HEG1: variants seen among roughly 807,000 people sequenced by gnomAD.
The protein encoded by HEG1 is protein HEG homolog 1.
A neutral mutation model predicts 125.6 loss-of-function variants in HEG1; 56 were observed. The observed-to-expected ratio is 0.45, with a 90% confidence interval of 0.36 to 0.56. HEG1 has a LOEUF of 0.56. Ranked by LOEUF, HEG1 falls within the 20% of genes least tolerant of loss-of-function variation. The pLI is 0.00. For missense variants in HEG1, 1,523 were observed against 1,670.0 expected (o/e 0.91, Z 1.53); for synonymous variants, 644 against 668.5 (o/e 0.96, Z 0.57).
intron 1 of HEG1, among the ~76,000 whole-genome samples, chr3:125,044,484 G>T (rs1332887150): frequency 6.6e-6 from 1 of 152,118 alleles, no homozygotes; most frequent in African/African-American, 2.4e-5. Context: ...TCCACTCCAT[G>T]CCAGCCACTG....
chr3:125,000,132 T>C (rs372701385), intron 11 of HEG1, among the ~76,000 whole-genome samples: 4 of 152,238 alleles, frequency 2.6e-5, no homozygotes, highest in African/African-American at 7.2e-5. Context: ...GCCTGTTTTT[T>C]TCAGCTAATA....
intron 12 of HEG1, among the ~76,000 whole-genome samples, chr3:124,993,507 G>GAC (rs1936865564): frequency 6.6e-6 from 1 of 152,114 alleles, no homozygotes; most frequent in South Asian, 2.1e-4. Context: ...CCCTCCTCCT[G>GAC]TGTATGCCTC....
rs1231720471 is a variant in HEG1 at position 125,009,755 on chromosome 3, A to G, written c.3143T>C (p.Ile1048Thr). Residue 1048 changes from isoleucine to threonine, a missense_variant, in exon 8 of 17, where the codon ATC (isoleucine) becomes ACC (threonine). Transcript: ENST00000311127. ...CTGGTACCCAACCGGGCATTTGCAG[A>G]TAAAGGATCCCTGAGTATTGTTGCA... ...AMCNNTQGSF[I>T]CKCPVGYQLE... 1.9e-6 allele frequency: 3 copies of G among 1,613,788 alleles called. No individual in the cohort carries two copies. Among genetic ancestry groups the G allele is most frequent in the Admixed American group, 1.7e-5 (1 of 60,036 alleles).
rs148923186 is a variant in HEG1, at chr3:124,968,506, G to A, written c.*2146C>T. 829 of 152,310 alleles carry A rather than the reference G, an allele frequency of 5.4e-3. 8 individuals are homozygous for A. Among genetic ancestry groups the A allele is most frequent in the Non-Finnish European group, 6.1e-3 (412 of 68,044 alleles). 9.4% of individuals were successfully genotyped at this position (152,310 alleles called of 1,614,324 possible). On this transcript the variant is annotated 3_prime_UTR_variant, in exon 17 of 17. Coordinates refer to ENST00000311127, the MANE Select transcript of HEG1 (RefSeq NM_020733.2). Reference sequence around the variant, plus strand: ...GCATTGTTGGAACTCACAGGACACCGTTTTCTCGATGTTGGGATTCTTCCC... The same window carrying A: ...GCATTGTTGGAACTCACAGGACACCATTTTCTCGATGTTGGGATTCTTCCC...
Position 124,967,398 on chromosome 3 carries a change from T to C in HEG1, c.*3254A>G, listed in dbSNP as rs973095906. ...CAGCCACTATTTTCTTAATGACAAG[T>C]GTCTAAGAATTACATATAAAAAACA... On this transcript the variant is annotated 3_prime_UTR_variant, in exon 17 of 17. Transcript: ENST00000311127. 1 of 151,442 alleles carries C rather than the reference T, an allele frequency of 6.6e-6. No individual in the cohort carries two copies. Among genetic ancestry groups the C allele is most frequent in the Non-Finnish European group, 1.5e-5 (1 of 67,978 alleles). The allele number at this position is 151,442 out of a possible 1,614,324, so 9.4% of individuals were successfully genotyped here. A position where few individuals can be genotyped will look rare whatever the true frequency, so the allele number is the denominator to read the frequency against.
chr3:125,055,210 C>T (rs529308794), intron 1 of HEG1, among the ~76,000 whole-genome samples: 1 of 152,096 alleles, frequency 6.6e-6, no homozygotes, highest in East Asian at 1.9e-4. Context: ...TTCTGTATAG[C>T]GGAAAAAATG....
At chr3:125,008,908 G>T (rs1937111902) in intron 8 of HEG1, among the ~76,000 whole-genome samples, 1 of 152,252 alleles carries the variant, frequency 6.6e-6, no homozygotes, top group Admixed American at 6.5e-5. Flanking sequence ...GTCACACCCT[G>T]CAAGCAAGAA....
intron 1 of HEG1, among the ~76,000 whole-genome samples, chr3:125,044,305 C>A (rs1937629724): frequency 1.3e-5 from 2 of 152,130 alleles, no homozygotes; most frequent in African/African-American, 4.8e-5. Flanking sequence ...AGTTGTATGC[C>A]ATAGCCATTT....
rs965369793 is a variant in HEG1, at chr3:125,006,836, A to T, written c.3194-1468T>A. ...GAACCCTCTGCACGCAGGCTTCCAG[A>T]ACAATGGTCCTGCTTCTTCACTTTC... On this transcript the variant is annotated intron_variant, in intron 8 of 16. Coordinates refer to ENST00000311127, the MANE Select transcript of HEG1 (RefSeq NM_020733.2). Among the ~76,000 whole-genome samples, 4 of 152,188 alleles carry T rather than the reference A, an allele frequency of 2.6e-5. No individual in the cohort carries two copies. The South Asian group carries it at 8.3e-4, about 32-fold the overall frequency.
At position 125,020,957 on chromosome 3, in the gene HEG1, A is replaced by T; in HGVS notation, c.1087T>A (p.Ser363Thr). 6.2e-7 allele frequency: 1 copy of T among 1,613,942 alleles called. No individual in the cohort carries two copies. Among genetic ancestry groups the T allele is most frequent in the South Asian group, 1.1e-5 (1 of 91,068 alleles). Reference sequence around the variant, plus strand: ...GAGGATGAAGTCGTGGCAATTCTGGAGTCCTTGGGGAAGCCTTCTGTCTTG... The same window carrying T: ...GAGGATGAAGTCGTGGCAATTCTGGTGTCCTTGGGGAAGCCTTCTGTCTTG... ...VSKTEGFPKD[S>T]RIATTSSSVL... Residue 363 changes from serine (S) to threonine (T), a missense_variant, in exon 4 of 17, where the codon TCC becomes ACC. Ser to Thr is a moderately conservative substitution (Grantham distance 58). Coordinates refer to ENST00000311127, the MANE Select transcript of HEG1 (RefSeq NM_020733.2).
chr3:125,009,051 G>A (rs1019437632), intron 8 of HEG1, among the ~76,000 whole-genome samples: 1 of 152,216 alleles, frequency 6.6e-6, no homozygotes, highest in Non-Finnish European at 1.5e-5. Context: ...TGGTTTGTTT[G>A]CTTGCTTTTT....
At chr3:124,994,914 G>A (rs1936893437) in intron 12 of HEG1, among the ~76,000 whole-genome samples, 1 of 152,226 alleles carries the variant, frequency 6.6e-6, no homozygotes, top group African/African-American at 2.4e-5. Context: ...TCATTCAACA[G>A]ACATTTGCTG....
In HEG1 at chr3:124,992,568, C is replaced by T. The variant is rs1936851930; in HGVS notation, c.3653-1582G>A. Reference sequence around the variant, plus strand: ...ACGTGCTAATGGTGGGTTATGGGGGCCAGTAGCATGCATGGCTGGGGGTGA... The same window carrying T: ...ACGTGCTAATGGTGGGTTATGGGGGTCAGTAGCATGCATGGCTGGGGGTGA... On this transcript the variant is annotated intron_variant, in intron 12 of 16. Transcript: ENST00000311127. 5.3e-5 allele frequency among the ~76,000 whole-genome samples: 8 copies of T among 152,188 alleles called. No individual in the cohort carries two copies. The South Asian group carries it at 1.7e-3, about 32-fold the overall frequency.
chr3:125,017,137 C>G (rs1937262039), intron 5 of HEG1, among the ~76,000 whole-genome samples: 1 of 151,842 alleles, frequency 6.6e-6, no homozygotes, highest in South Asian at 2.1e-4. Flanking sequence ...TCACTGCAAC[C>G]TCCACCTCAC....
intron 6 of HEG1, among the ~76,000 whole-genome samples, chr3:125,010,983 G>A (rs1937150230): frequency 6.6e-6 from 1 of 152,208 alleles, no homozygotes; most frequent in Non-Finnish European, 1.5e-5. Flanking sequence ...CTGTGTGTCT[G>A]TGCACACGTG....
intron 7 of HEG1, 140 bp from the exon 8 acceptor site, chr3:125,009,964 C>A (rs12053844): frequency 0.063 from 51,148 of 814,624 alleles, 2,171 homozygotes; most frequent in African/African-American, 0.15. Flanking sequence ...AACACTCTTG[C>A]CCTCAAGGGG....
At chr3:125,026,338 T>A (rs1297477867) in intron 3 of HEG1, among the ~76,000 whole-genome samples, 1 of 152,020 alleles carries the variant, frequency 6.6e-6, no homozygotes, top group Non-Finnish European at 1.5e-5. Context: ...CTCAAGAGGA[T>A]TACAGTCTCT....
At chr3:124,986,301 C>A (rs527962256) in intron 14 of HEG1, among the ~76,000 whole-genome samples, 6 of 152,128 alleles carry the variant, frequency 3.9e-5, no homozygotes, top group African/African-American at 1.4e-4. Context: ...TTCTTGCCTA[C>A]GAAAAATCCA....
chr3:125,000,478 T>C (rs566566176), intron 11 of HEG1, among the ~76,000 whole-genome samples: 1 of 152,188 alleles, frequency 6.6e-6, no homozygotes, highest in African/African-American at 2.4e-5. Context: ...CTTGAATCCT[T>C]GTCAAGAGAA....
Sources: allele counts gnomAD v4.1 joint callset (sites outside exome capture counted in the v4.1 genomes callset), GRCh38; gene constraint gnomAD v4.1.1; transcripts MANE v1.5; gene names NCBI Gene and HGNC (gene_info 2026-07-23, HGNC 2026-07-21).